GMPR: variants seen among roughly 807,000 people sequenced by gnomAD.
The protein encoded by GMPR is guanosine monophosphate reductase.
In GMPR, 31 loss-of-function variants were observed where a neutral mutation model predicts 38.4. The observed-to-expected ratio is 0.81, with a 90% CI of 0.61 to 1.09. GMPR has a LOEUF of 1.09. Ranked by LOEUF, GMPR falls within the 50% of genes least tolerant of loss-of-function variation. GMPR has a pLI of 0.00. For missense variants in GMPR, 468 were observed against 453.7 expected (o/e 1.03, Z -0.29); for synonymous variants, 162 against 173.3 (o/e 0.93, Z 0.51).
chr6:16,238,634 G>T lies in GMPR; in HGVS notation c.-60G>T. ...CAGCAGCCCCGGCGCTCCCCGCGCC[G>T]CCCCGCGCAGGCGCCCCCGCCCCGC... On this transcript the variant is annotated 5_prime_UTR_variant, in exon 1 of 9. Coordinates refer to ENST00000259727, the MANE Select transcript of GMPR (RefSeq NM_006877.4). The T allele has an allele frequency of 2.9e-6, 2 of 678,170 alleles. No individual in the cohort carries two copies. The highest frequency in any genetic ancestry group is 2.0e-5 in the African/African-American group (1 of 51,014). 42.0% of individuals were successfully genotyped at this position (678,170 alleles called of 1,614,324 possible).
chr6:16,290,695 T>G, intron 8 of GMPR, 74 bp downstream of exon 8: 4 of 1,286,346 alleles, frequency 3.1e-6, no homozygotes, highest in Non-Finnish European at 4.5e-6. Context: ...TGGAAGCAGG[T>G]CTGAATAGCA....
chr6:16,280,304 A>G (rs1417084032), intron 6 of GMPR, among the ~76,000 whole-genome samples: 1 of 152,184 alleles, frequency 6.6e-6, no homozygotes, highest in African/African-American at 2.4e-5. Context: ...AGCTAGGATC[A>G]AGGTCTTTCA....
chr6:16,289,104 TTGC>T (rs1759766699), intron 7 of GMPR, among the ~76,000 whole-genome samples: 1 of 152,252 alleles, frequency 6.6e-6, no homozygotes, highest in Non-Finnish European at 1.5e-5. Flanking sequence ...ATAGATTCTG[TTGC>T]TGCTCGGTCT....
chr6:16,295,004 A>G lies in GMPR; in HGVS notation c.858-2A>G. On this transcript the variant is annotated splice_acceptor_variant, in intron 8 of 8. Transcript: ENST00000259727. LOFTEE classifies it high-confidence loss of function. ...AAAAAGAAAACTTCTATCGTCTTCC[A>G]GAGCCTCTGAGGGTAAGACTGTGGA... The G allele has an allele frequency of 6.2e-7, 1 of 1,605,438 alleles. No individual in the cohort carries two copies. The highest frequency in any genetic ancestry group is 1.1e-5 in the South Asian group (1 of 90,658).
chr6:16,259,480 T>A (rs1759039629), intron 4 of GMPR: 1 of 151,898 alleles, frequency 6.6e-6, no homozygotes, highest in African/African-American at 2.4e-5. Context: ...TGGTAAAGTG[T>A]TGGGACGGTG....
chr6:16,287,048 C>T (rs1186090433), intron 7 of GMPR, among the ~76,000 whole-genome samples: 2 of 152,186 alleles, frequency 1.3e-5, no homozygotes, highest in Non-Finnish European at 2.9e-5. Flanking sequence ...TTAACCTCCT[C>T]CTAATCATAG....
chr6:16,239,548 G>A (rs9383138), intron 1 of GMPR, among the ~76,000 whole-genome samples: 39,712 of 152,198 alleles, frequency 0.26, 6,139 homozygotes, highest in East Asian at 0.57. Flanking sequence ...CTGAAAGGCA[G>A]AGTGCCCCGG....
At chr6:16,291,927 C>A (rs1195342372) in intron 8 of GMPR, among the ~76,000 whole-genome samples, 1 of 151,180 alleles carries the variant, frequency 6.6e-6, no homozygotes, top group Non-Finnish European at 1.5e-5. Flanking sequence ...AAAAAAAGAA[C>A]CTGATGACAG....
At chr6:16,283,655 G>A (rs1411041780) in intron 6 of GMPR, among the ~76,000 whole-genome samples, 1 of 152,190 alleles carries the variant, frequency 6.6e-6, no homozygotes, top group African/African-American at 2.4e-5. Flanking sequence ...CCTGGGAAGA[G>A]AAAGGCTGAT....
chr6:16,261,791 A>G (rs1759090236), intron 4 of GMPR, among the ~76,000 whole-genome samples: 1 of 151,988 alleles, frequency 6.6e-6, no homozygotes, highest in Non-Finnish European at 1.5e-5. Flanking sequence ...TAAGGGGTGC[A>G]TGATCGGTCA....
At chr6:16,290,274 C>T (rs1356553437) in intron 7 of GMPR, 188 bp from the exon 8 acceptor site, 2 of 655,482 alleles carry the variant, frequency 3.1e-6, no homozygotes, top group South Asian at 1.8e-5. Context: ...TCCCATGGCC[C>T]TTTCTCCCTG....
At chr6:16,239,488 G>T (rs1364072750) in intron 1 of GMPR, among the ~76,000 whole-genome samples, 1 of 152,234 alleles carries the variant, frequency 6.6e-6, no homozygotes, top group East Asian at 1.9e-4. Context: ...ACTGGAAATA[G>T]CCTGAGGCTG....
intron 8 of GMPR, among the ~76,000 whole-genome samples, chr6:16,291,761 A>G (rs1759843879): frequency 1.3e-5 from 2 of 152,164 alleles, no homozygotes; most frequent in African/African-American, 4.8e-5. Context: ...AAAATTAAAA[A>G]TTAGCTGGGT....
At chr6:16,292,740 G>T (rs1342914095) in intron 8 of GMPR, among the ~76,000 whole-genome samples, 1 of 152,190 alleles carries the variant, frequency 6.6e-6, no homozygotes, top group Non-Finnish European at 1.5e-5. Context: ...CCTCGTGGCT[G>T]CATCTGTTTT....
At chr6:16,239,391 A>G (rs576854822) in intron 1 of GMPR, among the ~76,000 whole-genome samples, 1 of 152,204 alleles carries the variant, frequency 6.6e-6, no homozygotes, top group South Asian at 2.1e-4. Flanking sequence ...CTTTGGGGTG[A>G]GAGAGGTGGG....
At position 16,274,441 on chromosome 6, in the gene GMPR, GGTA is replaced by G. The variant is rs1349687462; in HGVS notation, c.494_496del (p.Val165del). On this transcript the variant is annotated inframe_deletion, in exon 5 of 9. Transcript: ENST00000259727. Reference sequence around the variant, plus strand: ...CAGGGAACGTGGTGACAGGAGAAATGGTAGAAGAGCTTATTCTTTCCGGAGCAG... The same window carrying G: ...CAGGGAACGTGGTGACAGGAGAAATGGAAGAGCTTATTCTTTCCGGAGCAG... The G allele has an allele frequency of 1.2e-6, 2 of 1,608,854 alleles. No individual in the cohort carries two copies. The highest frequency in any genetic ancestry group is 2.7e-5 in the African/African-American group (2 of 74,842).
At chr6:16,264,975 A>G (rs1043705206) in intron 4 of GMPR, among the ~76,000 whole-genome samples, 7 of 152,186 alleles carry the variant, frequency 4.6e-5, no homozygotes, top group East Asian at 1.9e-4. Context: ...AAAAGGTCCT[A>G]TTGAGGGGCT....
At chr6:16,291,208 G>A (rs1759835920) in intron 8 of GMPR, among the ~76,000 whole-genome samples, 1 of 152,108 alleles carries the variant, frequency 6.6e-6, no homozygotes, top group Non-Finnish European at 1.5e-5. Flanking sequence ...CTGCTGATGT[G>A]TGTTTATTTT....
intron 4 of GMPR, among the ~76,000 whole-genome samples, chr6:16,266,004 A>G (rs982349325): frequency 2.6e-5 from 4 of 152,036 alleles, no homozygotes; most frequent in African/African-American, 9.7e-5. Flanking sequence ...TGTAACACTC[A>G]CCGTGAAGGT....
Sources: gnomAD v4.1 joint callset for allele counts (sites outside exome capture counted in the v4.1 genomes callset) on GRCh38, gnomAD v4.1.1 for gene constraint, MANE v1.5 for transcripts, NCBI Gene and HGNC (gene_info 2026-07-23, HGNC 2026-07-21) for gene names.